Variants in SCAMP1 observed in about 807,000 individuals in gnomAD.
The protein encoded by SCAMP1 is secretory carrier membrane protein 1.
In SCAMP1, 15 loss-of-function variants were observed where a neutral mutation model predicts 41.8. The observed-to-expected ratio is 0.36, with a 90% confidence interval of 0.24 to 0.55. The LOEUF is 0.55. SCAMP1 is among the 20% of genes least tolerant of loss of function. The probability of loss-of-function intolerance (pLI) is 0.86; values close to 1 mark genes in which losing one functional copy is unlikely to be tolerated. For missense variants in SCAMP1, 341 were observed against 412.6 expected (o/e 0.83, Z 1.50); for synonymous variants, 135 against 136.8 (o/e 0.99, Z 0.09).
intron 2 of SCAMP1, among the ~76,000 whole-genome samples, chr5:78,392,728 C>G (rs1751551807): frequency 6.6e-6 from 1 of 152,168 alleles, no homozygotes; most frequent in African/African-American, 2.4e-5. Flanking sequence ...TTCCTCTGCA[C>G]TGTTAACATG....
At chr5:78,409,345 T>G (rs1752010755) in intron 2 of SCAMP1, among the ~76,000 whole-genome samples, 1 of 152,174 alleles carries the variant, frequency 6.6e-6, no homozygotes, top group African/African-American at 2.4e-5. Context: ...TGATCTGCTA[T>G]GTTTTAAGAA....
intron 8 of SCAMP1, among the ~76,000 whole-genome samples, chr5:78,469,915 AAAAAAAAAAAAAAAAAAC>A (rs1753838977): frequency 6.3e-5 from 3 of 47,336 alleles, no homozygotes; most frequent in African/African-American, 1.4e-4. Flanking sequence ...AAAAAAAACA[AAAAAAAAAAAAAAAAAAC>A]AACAACACAG....
At chr5:78,468,246 A>T (rs1020859994) in intron 8 of SCAMP1, among the ~76,000 whole-genome samples, 15 of 152,204 alleles carry the variant, frequency 9.9e-5, no homozygotes, top group African/African-American at 3.6e-4. Flanking sequence ...TGTCTCCTAT[A>T]CATCTGCATG....
intron 2 of SCAMP1, among the ~76,000 whole-genome samples, chr5:78,414,952 A>G (rs1752172778): frequency 7.1e-6 from 1 of 141,588 alleles, no homozygotes; most frequent in Non-Finnish European, 1.5e-5. Context: ...TAAACTCAAA[A>G]GTTCTTTTTT....
chr5:78,436,899 T>C (rs1752771240), intron 6 of SCAMP1, among the ~76,000 whole-genome samples: 1 of 152,220 alleles, frequency 6.6e-6, no homozygotes, highest in Admixed American at 6.5e-5. Flanking sequence ...TTTTATTTCG[T>C]TGAGCAGTGG....
intron 2 of SCAMP1, among the ~76,000 whole-genome samples, chr5:78,404,140 T>C (rs1751871376): frequency 6.7e-6 from 1 of 148,314 alleles, no homozygotes; most frequent in South Asian, 2.1e-4. Context: ...AAAAGGGTTT[T>C]AAACTTCGTC....
intron 2 of SCAMP1, among the ~76,000 whole-genome samples, chr5:78,409,431 AC>A (rs1388854050): frequency 6.6e-6 from 1 of 151,640 alleles, no homozygotes; most frequent in Non-Finnish European, 1.5e-5. Context: ...ATACACACAC[AC>A]ACACACACAC....
intron 6 of SCAMP1, among the ~76,000 whole-genome samples, chr5:78,427,346 T>C (rs1172884076): frequency 6.6e-6 from 1 of 152,094 alleles, no homozygotes; most frequent in African/African-American, 2.4e-5. Context: ...TCATGAGGGA[T>C]CATGAGGGAT....
intron 4 of SCAMP1, among the ~76,000 whole-genome samples, chr5:78,417,995 C>T (rs900602877): frequency 6.6e-6 from 1 of 151,742 alleles, no homozygotes; most frequent in African/African-American, 2.4e-5. Context: ...CTGTTTTTAC[C>T]CGCTATTTTC....
At chr5:78,399,949 T>C (rs78918052) in intron 2 of SCAMP1, among the ~76,000 whole-genome samples, 1,526 of 152,312 alleles carry the variant, frequency 0.01, 32 homozygotes, top group African/African-American at 0.035. Context: ...ATGATCCATT[T>C]TTAAATATTT....
At chr5:78,439,285 A>C (rs1435740224) in intron 6 of SCAMP1, among the ~76,000 whole-genome samples, 1 of 152,142 alleles carries the variant, frequency 6.6e-6, no homozygotes, top group Non-Finnish European at 1.5e-5. Flanking sequence ...TTTGCCTGTT[A>C]ATTGATGCAG....
rs1376223324 is a variant in SCAMP1 at position 78,367,330 on chromosome 5, G to C, written c.57+6602G>C. Among the ~76,000 whole-genome samples the C allele has an allele frequency of 3.9e-5, 6 of 152,136 alleles. No individual in the cohort carries two copies. The East Asian group carries it at 1.2e-3, about 29-fold the overall frequency. ...GCTCACGATTCTGTTAATTGCGCTA[G>C]ACTTAGCTGGGCAGGTTTTTTCTTT... On this transcript the variant is annotated intron_variant, in intron 1 of 8. Transcript: ENST00000621999.
intron 6 of SCAMP1, among the ~76,000 whole-genome samples, chr5:78,448,727 A>G (rs1753140184): frequency 6.6e-6 from 1 of 152,370 alleles, no homozygotes; most frequent in East Asian, 1.9e-4. Context: ...CAGGCTGGGC[A>G]CAGTGGCTCA....
At chr5:78,397,587 G>T (rs1026808630) in intron 2 of SCAMP1, among the ~76,000 whole-genome samples, 15 of 152,094 alleles carry the variant, frequency 9.9e-5, no homozygotes, top group Non-Finnish European at 2.2e-4. Context: ...TAAAAGACTT[G>T]TATCCAGAAT....
At chr5:78,435,567 A>G (rs1752729963) in intron 6 of SCAMP1, among the ~76,000 whole-genome samples, 1 of 152,112 alleles carries the variant, frequency 6.6e-6, no homozygotes, top group Non-Finnish European at 1.5e-5. Flanking sequence ...ATCCTCTTTT[A>G]TGGCTGCATA....
chr5:78,466,724 G>A (rs1423770836), intron 8 of SCAMP1, among the ~76,000 whole-genome samples: 1 of 152,168 alleles, frequency 6.6e-6, no homozygotes. Context: ...AGAGTTTTAA[G>A]GAGGAGAGTA....
At chr5:78,450,407 G>C (rs1753193930) in intron 7 of SCAMP1, among the ~76,000 whole-genome samples, 1 of 152,152 alleles carries the variant, frequency 6.6e-6, no homozygotes, top group Non-Finnish European at 1.5e-5. Context: ...TATGTATAAA[G>C]CCCTATTTTA....
chr5:78,416,522 A>G lies in SCAMP1; in HGVS notation c.235-19A>G. ...TATACTTCTGACAGTCTATTCACAT[A>G]TTGATATTTTTTATTTAGGAACATG... On this transcript the variant is annotated intron_variant, in intron 3 of 8. Coordinates refer to ENST00000621999, the MANE Select transcript of SCAMP1 (RefSeq NM_004866.6). 1 of 1,538,900 alleles carries G rather than the reference A, an allele frequency of 6.5e-7. No homozygotes were observed. The highest frequency in any genetic ancestry group is 8.8e-7 in the Non-Finnish European group (1 of 1,132,994).
rs577802282 is a variant in SCAMP1 at position 78,404,091 on chromosome 5, G to A, written c.136-11429G>A. 3.5e-3 allele frequency among the ~76,000 whole-genome samples: 501 copies of A among 141,492 alleles called. 4 individuals carry two copies. The highest frequency in any genetic ancestry group is 0.013 in the African/African-American group (475 of 37,782). 92.8% of individuals were successfully genotyped at this position (141,492 alleles called of 152,430 possible). On this transcript the variant is annotated intron_variant, in intron 2 of 8. Transcript: ENST00000621999. ...TGATCATGCTACTGCACTCCAACCT[G>A]AGTGACAAAGTGAGACCCTGTCTCA...
Sources: allele counts gnomAD v4.1 joint callset (sites outside exome capture counted in the v4.1 genomes callset), GRCh38; gene constraint gnomAD v4.1.1; transcripts MANE v1.5; gene names NCBI Gene and HGNC (gene_info 2026-07-23, HGNC 2026-07-21).